The following CHST12 variants were observed in gnomAD, a reference collection of about 807,000 sequenced individuals.
CHST12 encodes the protein carbohydrate (chondroitin 4) sulfotransferase 12.
A neutral mutation model predicts 27.9 loss-of-function variants in CHST12; 23 were observed. The ratio of observed to expected loss-of-function variants is 0.82; its 90% CI spans 0.59 to 1.17. CHST12 has a LOEUF of 1.17. Ranked by LOEUF, CHST12 falls within the 50% of genes most tolerant of loss-of-function variation. CHST12 has a pLI of 0.00. For synonymous variants in CHST12, 322 were observed against 273.0 expected, an observed-to-expected ratio of 1.18 and a Z score of -1.77; for missense variants, 682 against 603.0, an observed-to-expected ratio of 1.13 and a Z score of -1.37.
rs1258705372 is a variant in CHST12, at chr7:2,433,735, C to G, written c.1096C>G (p.Pro366Ala). The change falls in exon 2 of 2, where the codon CCG becomes GCG. Residue 366 changes from proline to alanine, a missense_variant. Coordinates refer to ENST00000618655, the MANE Select transcript of CHST12 (RefSeq NM_018641.5). The surrounding 1 kb of genome is among the most constrained non-coding windows in gnomAD (Gnocchi z 6.1). ...GGTGGACCGGCAGCTCCGCTTCCCC[C>G]CGAGCTACCGGAACAGGACCGCCAG... ...LQVDRQLRFP[P>A]SYRNRTASSW... The G allele has an allele frequency of 3.1e-6, 5 of 1,613,660 alleles. No homozygotes were observed. Among genetic ancestry groups the G allele is most frequent in the Admixed American group, 3.3e-5 (2 of 59,996 alleles).
rs1015822360 is a variant in CHST12, at chr7:2,441,874, T to C, written c.*7990T>C. The C allele has an allele frequency of 6.6e-6, 1 of 152,148 alleles. No individual in the cohort carries two copies. Among genetic ancestry groups the C allele is most frequent in the Non-Finnish European group, 1.5e-5 (1 of 68,028 alleles). The allele number at this position is 152,148 out of a possible 1,614,324, so 9.4% of individuals were successfully genotyped here. A position where few individuals can be genotyped will look rare whatever the true frequency, so the allele number is the denominator to read the frequency against. On this transcript the variant is annotated 3_prime_UTR_variant, in exon 2 of 2. Transcript: ENST00000618655. ...TTAATTTCAGTTCTTTTAAAAGTTGTGGTAAGATACATGCAACATAAAATG... is the reference window on the plus strand; with the variant it reads ...TTAATTTCAGTTCTTTTAAAAGTTGCGGTAAGATACATGCAACATAAAATG...
At position 2,437,082 on chromosome 7, in the gene CHST12, AAC is replaced by A. The variant is rs1782491884; in HGVS notation, c.*3202_*3203del. On this transcript the variant is annotated 3_prime_UTR_variant, in exon 2 of 2. Transcript: ENST00000618655. ...CTCTGGTTTTTTCTTTTTCCACTGA[AAC>A]ACAGCAAATTATACATTTTATGAAA... 6.6e-6 allele frequency: 1 copy of A among 152,218 alleles called. No homozygotes were observed. Among genetic ancestry groups the A allele is most frequent in the African/African-American group, 2.4e-5 (1 of 41,432 alleles). 9.4% of individuals were successfully genotyped at this position (152,218 alleles called of 1,614,324 possible).
intron 1 of CHST12, among the ~76,000 whole-genome samples, chr7:2,407,063 A>G (rs1304386177): frequency 1.3e-5 from 2 of 152,186 alleles, no homozygotes; most frequent in Non-Finnish European, 2.9e-5. Context: ...AAGCAGAAAT[A>G]AGAAAATCAG....
chr7:2,405,660 G>T (rs1781505247), intron 1 of CHST12, among the ~76,000 whole-genome samples: 1 of 152,104 alleles, frequency 6.6e-6, no homozygotes, highest in Admixed American at 6.6e-5. Context: ...AGTGGGGGCG[G>T]GCATGGAGCT....
chr7:2,432,798 G>T lies in CHST12; in HGVS notation c.159G>T (p.Gly53=). ...CGGGGCCGCCGCTGCCCACGCCCGG[G>T]CCGGACAGGGACAGGGAGCTCACGG... ...PHTGPPLPTP[G]PDRDRELTAD... The change falls in exon 2 of 2, where the codon GGG becomes GGT. Residue 53 remains glycine (G), a synonymous_variant. Coordinates refer to ENST00000618655, the MANE Select transcript of CHST12 (RefSeq NM_018641.5). The T allele has an allele frequency of 1.2e-6, 2 of 1,613,684 alleles. No homozygotes were observed. Among genetic ancestry groups the T allele is most frequent in the Non-Finnish European group, 1.7e-6 (2 of 1,179,814 alleles).
rs760502452 is a variant in CHST12 at position 2,425,691 on chromosome 7, C to CTTTTTTTTTTTT, written c.-77-6869_-77-6858dup. The stretch of plus-strand genomic sequence containing the variant: ...CAAATGCAAAATAGCACTGCATTTG[C>CTTTTTTTTTTTT]TTTTTTTTTTTTTTGTCTTTTGTCA... On this transcript the variant is annotated intron_variant, in intron 1 of 1. Transcript: ENST00000618655. Among the ~76,000 whole-genome samples, 12 of 137,876 alleles carry CTTTTTTTTTTTT rather than the reference C, an allele frequency of 8.7e-5. No homozygotes were observed. In the South Asian group the frequency reaches 1.2e-3, roughly 13 times the overall value. 90.5% of individuals were successfully genotyped at this position (137,876 alleles called of 152,430 possible). A position where few individuals can be genotyped will look rare whatever the true frequency, so the allele number is the denominator to read the frequency against.
At chr7:2,426,423 C>T (rs1465592089) in intron 1 of CHST12, among the ~76,000 whole-genome samples, 3 of 152,168 alleles carry the variant, frequency 2.0e-5, no homozygotes, top group Admixed American at 2.0e-4. Context: ...AACATACACA[C>T]CCCAAATAAG....
At chr7:2,411,340 C>T (rs891238183) in intron 1 of CHST12, among the ~76,000 whole-genome samples, 1 of 152,046 alleles carries the variant, frequency 6.6e-6, no homozygotes, top group African/African-American at 2.4e-5. Context: ...CCTTGGCCAC[C>T]TAAAGTGTTG....
chr7:2,429,324 C>T (rs764021108), intron 1 of CHST12, among the ~76,000 whole-genome samples: 3 of 152,224 alleles, frequency 2.0e-5, no homozygotes, highest in Non-Finnish European at 2.9e-5. Context: ...GTTCCTCCTG[C>T]CTCAGCCTAC....
rs1335558495 is a variant in CHST12 at position 2,440,258 on chromosome 7, C to G, written c.*6374C>G. On this transcript the variant is annotated 3_prime_UTR_variant, in exon 2 of 2. Coordinates refer to ENST00000618655, the MANE Select transcript of CHST12 (RefSeq NM_018641.5). ...GTTGGTTGACTTTGACAGTGATAAACGAACACAGCCTATCTGGGTGTTTTT... is the reference window on the plus strand; with the variant it reads ...GTTGGTTGACTTTGACAGTGATAAAGGAACACAGCCTATCTGGGTGTTTTT... 1.9e-5 allele frequency: 3 copies of G among 154,462 alleles called. No individual in the cohort carries two copies. The highest frequency in any genetic ancestry group is 3.9e-4 in the East Asian group (2 of 5,186). The allele number at this position is 154,462 out of a possible 1,614,324, so 9.6% of individuals were successfully genotyped here.
At position 2,432,783 on chromosome 7, in the gene CHST12, G is replaced by T; in HGVS notation, c.144G>T (p.Pro48=). 4.3e-6 allele frequency: 7 copies of T among 1,613,454 alleles called. No homozygotes were observed. The highest frequency in any genetic ancestry group is 5.1e-6 in the Non-Finnish European group (6 of 1,179,730). ...TSFSRPHTGP[P]LPTPGPDRDR... is the part of the protein sequence containing the mutation. ...TCTCTAGGCCGCACACGGGGCCGCC[G>T]CTGCCCACGCCCGGGCCGGACAGGG... Residue 48 remains proline (P), a synonymous_variant, in exon 2 of 2, where the codon CCG becomes CCT. Coordinates refer to ENST00000618655, the MANE Select transcript of CHST12 (RefSeq NM_018641.5).
rs1055717414 is a variant in CHST12 at position 2,447,307 on chromosome 7, CCTT to C, written c.*13426_*13428del. 1 of 152,280 alleles carries C rather than the reference CCTT, an allele frequency of 6.6e-6. No individual in the cohort carries two copies. The highest frequency in any genetic ancestry group is 2.4e-5 in the African/African-American group (1 of 41,440). 9.4% of individuals were successfully genotyped at this position (152,280 alleles called of 1,614,324 possible). ...AGCCTCCTCCTCTTACATCAGCAAACCTTCTGTTCGGTGACCCCCTCAGTGACC... is the reference window on the plus strand; with the variant it reads ...AGCCTCCTCCTCTTACATCAGCAAACCTGTTCGGTGACCCCCTCAGTGACC... On this transcript the variant is annotated 3_prime_UTR_variant, in exon 2 of 2. Transcript: ENST00000618655.
intron 1 of CHST12, among the ~76,000 whole-genome samples, chr7:2,421,346 A>G (rs1781968433): frequency 1.3e-5 from 2 of 150,564 alleles, no homozygotes; most frequent in African/African-American, 2.4e-5. Context: ...CTTGGGCTCA[A>G]GCAATCCTCT....
intron 1 of CHST12, among the ~76,000 whole-genome samples, chr7:2,407,971 G>T (rs1489402136): frequency 3.3e-5 from 5 of 152,058 alleles, no homozygotes; most frequent in Non-Finnish European, 7.4e-5. Context: ...AGCAAACTTG[G>T]ATAGTGAGAG....
rs1782615415 is a variant in CHST12 at position 2,441,923 on chromosome 7, G to GAAC, written c.*8041_*8043dup. The stretch of plus-strand genomic sequence containing the variant: ...TGTGCCCTCTTCCCCATTTTTAAGT[G>GAAC]AACAGTTCAGTGGCATTAAGCACAT... On this transcript the variant is annotated 3_prime_UTR_variant, in exon 2 of 2. Transcript: ENST00000618655. 1 of 152,042 alleles carries GAAC rather than the reference G, an allele frequency of 6.6e-6. No homozygotes were observed. Among genetic ancestry groups the GAAC allele is most frequent in the Non-Finnish European group, 1.5e-5 (1 of 68,030 alleles). The allele number at this position is 152,042 out of a possible 1,614,324, so 9.4% of individuals were successfully genotyped here.
At chr7:2,426,279 G>C (rs112698684) in intron 1 of CHST12, among the ~76,000 whole-genome samples, 1 of 152,182 alleles carries the variant, frequency 6.6e-6, no homozygotes, top group Non-Finnish European at 1.5e-5. Flanking sequence ...TCAGAGCCAG[G>C]CTGATGTGAT....
In CHST12 at chr7:2,435,581, C is replaced by T. The variant is rs1261978424; in HGVS notation, c.*1697C>T. On this transcript the variant is annotated 3_prime_UTR_variant, in exon 2 of 2. Coordinates refer to ENST00000618655, the MANE Select transcript of CHST12 (RefSeq NM_018641.5). ...TGCAATCATTTCGTGGTGTCGGGCA[C>T]CCTGCTTGACCTGTCTTCCTCGTGT... 1 of 152,222 alleles carries T rather than the reference C, an allele frequency of 6.6e-6. No individual in the cohort carries two copies. The highest frequency in any genetic ancestry group is 2.4e-5 in the African/African-American group (1 of 41,438). The allele number at this position is 152,222 out of a possible 1,614,324, so 9.4% of individuals were successfully genotyped here.
At chr7:2,405,891 C>G (rs1781512196) in intron 1 of CHST12, among the ~76,000 whole-genome samples, 1 of 152,126 alleles carries the variant, frequency 6.6e-6, no homozygotes, top group African/African-American at 2.4e-5. Flanking sequence ...ACAGCCTGTA[C>G]AAGGAGGGAA....
chr7:2,430,274 T>C (rs1782239347), intron 1 of CHST12, among the ~76,000 whole-genome samples: 2 of 152,120 alleles, frequency 1.3e-5, no homozygotes, highest in Non-Finnish European at 2.9e-5. Context: ...TTTATTCCTT[T>C]ATATAAAATA....
Sources: gnomAD v4.1 joint callset for allele counts (sites outside exome capture counted in the v4.1 genomes callset) on GRCh38, gnomAD v4.1.1 for gene constraint, Gnocchi (gnomAD v3.1) non-coding constraint, MANE v1.5 for transcripts, NCBI Gene and HGNC (gene_info 2026-07-23, HGNC 2026-07-21) for gene names.